Variants in GRM1 observed in about 807,000 individuals in gnomAD.
GRM1 encodes glutamate metabotropic receptor 1.
A neutral mutation model predicts 90.9 loss-of-function variants in GRM1; 33 were observed. The observed-to-expected ratio is 0.36, with a 90% CI of 0.28 to 0.49. The LOEUF (loss-of-function observed/expected upper bound fraction) is 0.49. GRM1 is among the 20% of genes least tolerant of loss of function. The probability of loss-of-function intolerance (pLI) is 0.99; values close to 1 mark genes in which losing one functional copy is unlikely to be tolerated. For missense variants in GRM1, 1,190 were observed against 1,534.3 expected (o/e 0.78, Z 3.75); for synonymous variants, 700 against 613.2 (o/e 1.14, Z -2.09).
intron 1 of GRM1, among the ~76,000 whole-genome samples, chr6:146,059,738 C>G (rs1775599705): frequency 6.6e-6 from 1 of 151,798 alleles, no homozygotes; most frequent in Admixed American, 6.6e-5. Flanking sequence ...CTTCCTGCAA[C>G]TTGTACATCA....
chr6:146,423,053 T>A (rs909774038), intron 7 of GRM1, among the ~76,000 whole-genome samples: 3 of 152,002 alleles, frequency 2.0e-5, no homozygotes, highest in Non-Finnish European at 4.4e-5. Flanking sequence ...ACCTTTGCAC[T>A]TTAAGAAGAA....
intron 1 of GRM1, among the ~76,000 whole-genome samples, chr6:146,067,864 C>T (rs564561746): frequency 1.1e-4 from 16 of 152,206 alleles, no homozygotes; most frequent in South Asian, 4.1e-4. Flanking sequence ...TATATTGTGA[C>T]GTGATAAAAT....
At position 146,398,989 on chromosome 6, in the gene GRM1, C is replaced by G. The variant is rs1347357572; in HGVS notation, c.1950C>G (p.Ala650=). Reference sequence around the variant, plus strand: ...ATGTGTGCCCATTCACTCTCATTGCCAAACCTACTACCACCTCCTGCTACC... The same window carrying G: ...ATGTGTGCCCATTCACTCTCATTGCGAAACCTACTACCACCTCCTGCTACC... ...LGYVCPFTLI[A]KPTTTSCYLQ... is the part of the protein sequence containing the mutation. The change falls in exon 7 of 8, where the codon GCC becomes GCG. Residue 650 remains alanine (A), a synonymous_variant. Coordinates refer to ENST00000282753, the MANE Select transcript of GRM1 (RefSeq NM_001278064.2). The G allele has an allele frequency of 1.2e-6, 2 of 1,613,936 alleles. No individual in the cohort carries two copies. The highest frequency in any genetic ancestry group is 2.2e-5 in the East Asian group (1 of 44,884).
At chr6:146,159,203 G>A (rs993198934) in intron 1 of GRM1, 145 bp from the exon 2 acceptor site, 1 of 914,304 alleles carries the variant, frequency 1.1e-6, no homozygotes, top group Non-Finnish European at 1.8e-6. Context: ...AATCCATCCA[G>A]ATCTTCCGTC....
chr6:146,319,227 C>A (rs1395317552), intron 3 of GRM1, among the ~76,000 whole-genome samples: 1 of 152,068 alleles, frequency 6.6e-6, no homozygotes, highest in Non-Finnish European at 1.5e-5. Flanking sequence ...ATGGGGAATC[C>A]TTTCCCCATT....
intron 7 of GRM1, among the ~76,000 whole-genome samples, chr6:146,425,315 C>T (rs1285062928): frequency 6.6e-6 from 1 of 152,166 alleles, no homozygotes; most frequent in African/African-American, 2.4e-5. Context: ...AAATTTAAAA[C>T]TCACAGCTCT....
At chr6:146,167,521 G>T (rs1402768893) in intron 2 of GRM1, among the ~76,000 whole-genome samples, 2 of 152,068 alleles carry the variant, frequency 1.3e-5, no homozygotes, top group African/African-American at 4.8e-5. Context: ...ATGTATGAGA[G>T]TTCTAATTCC....
intron 3 of GRM1, among the ~76,000 whole-genome samples, chr6:146,341,509 T>C (rs896833802): frequency 2.0e-5 from 3 of 152,208 alleles, no homozygotes; most frequent in Non-Finnish European, 2.9e-5. Context: ...TCTCATATAT[T>C]CTCATCTCAA....
intron 3 of GRM1, among the ~76,000 whole-genome samples, chr6:146,348,843 C>G (rs183171034): frequency 1.3e-5 from 2 of 152,136 alleles, no homozygotes; most frequent in African/African-American, 4.8e-5. Context: ...AAAGCTTCTC[C>G]TCTGTAGATT....
chr6:146,033,446 A>G (rs1375109807), intron 1 of GRM1, among the ~76,000 whole-genome samples: 1 of 152,196 alleles, frequency 6.6e-6, no homozygotes, highest in Non-Finnish European at 1.5e-5. Flanking sequence ...AATAAAATTC[A>G]AAGCATTGAA....
intron 5 of GRM1, among the ~76,000 whole-genome samples, chr6:146,368,992 G>A (rs1211591802): frequency 6.6e-6 from 1 of 151,982 alleles, no homozygotes; most frequent in Non-Finnish European, 1.5e-5. Context: ...TTTCTTTGTT[G>A]AGAGATTTTT....
chr6:146,264,896 A>G (rs975958407), intron 2 of GRM1, among the ~76,000 whole-genome samples: 8 of 152,180 alleles, frequency 5.3e-5, no homozygotes, highest in African/African-American at 1.9e-4. Context: ...ATAATATTCC[A>G]TGGTATATAC....
chr6:146,315,661 G>T (rs895141534), intron 3 of GRM1, among the ~76,000 whole-genome samples: 1 of 152,110 alleles, frequency 6.6e-6, no homozygotes, highest in Non-Finnish European at 1.5e-5. Context: ...AATCTTTGGA[G>T]TGAGGCCAAG....
chr6:146,240,026 A>C (rs1334672727), intron 2 of GRM1, among the ~76,000 whole-genome samples: 1 of 152,090 alleles, frequency 6.6e-6, no homozygotes. Flanking sequence ...AATGGAAATA[A>C]TACTTACTTG....
chr6:146,424,214 G>A (rs969384781), intron 7 of GRM1, among the ~76,000 whole-genome samples: 5 of 152,240 alleles, frequency 3.3e-5, no homozygotes, highest in South Asian at 2.1e-4. Flanking sequence ...TTGCCACTGC[G>A]TGTTGCCTAC....
Position 146,436,818 on chromosome 6 carries a change from CTGA to C in GRM1, c.*2024_*2026del, listed in dbSNP as rs1365228059. 6.6e-6 allele frequency: 1 copy of C among 152,554 alleles called. No individual in the cohort carries two copies. The highest frequency in any genetic ancestry group is 1.5e-5 in the Non-Finnish European group (1 of 68,006). 9.5% of individuals were successfully genotyped at this position (152,554 alleles called of 1,614,324 possible). A position where few individuals can be genotyped will look rare whatever the true frequency, so the allele number is the denominator to read the frequency against. ...ATATGCTTCCTTCATATTGAAGCTG[CTGA>C]TTTCTCAGCCAAAAATCATCTTAGA... On this transcript the variant is annotated 3_prime_UTR_variant, in exon 8 of 8. Coordinates refer to ENST00000282753, the MANE Select transcript of GRM1 (RefSeq NM_001278064.2).
At chr6:146,270,818 TCTGC>T (rs559871269) in intron 2 of GRM1, among the ~76,000 whole-genome samples, 3,240 of 143,810 alleles carry the variant, frequency 0.023, 144 homozygotes, top group African/African-American at 0.056. Context: ...TTCTTTTCTG[TCTGC>T]CTGCCTGCCT....
At chr6:146,204,964 A>T (rs991874306) in intron 2 of GRM1, among the ~76,000 whole-genome samples, 1 of 152,202 alleles carries the variant, frequency 6.6e-6, no homozygotes, top group Non-Finnish European at 1.5e-5. Context: ...GGGTCCTTGA[A>T]TTTCAGTAGA....
chr6:146,172,159 T>G (rs1462834636), intron 2 of GRM1, among the ~76,000 whole-genome samples: 1 of 152,146 alleles, frequency 6.6e-6, no homozygotes, highest in African/African-American at 2.4e-5. Context: ...GGGCTAAAAT[T>G]AAGATATTGG....
Sources: gnomAD v4.1 joint callset for allele counts (sites outside exome capture counted in the v4.1 genomes callset) on GRCh38, gnomAD v4.1.1 for gene constraint, MANE v1.5 for transcripts, NCBI Gene and HGNC (gene_info 2026-07-23, HGNC 2026-07-21) for gene names.